The following SYNE2 variants were observed in gnomAD, a reference collection of about 807,000 sequenced individuals.
SYNE2 encodes the protein nesprin-2.
In SYNE2, 431 loss-of-function variants were observed where a neutral mutation model predicts 856.3. The observed-to-expected ratio is 0.50, with a 90% CI of 0.47 to 0.55. SYNE2 has a LOEUF of 0.55. Ranked by LOEUF, SYNE2 falls within the 20% of genes least tolerant of loss-of-function variation. The probability of loss-of-function intolerance (pLI) is 0.00; values close to 1 mark genes in which losing one functional copy is unlikely to be tolerated. For synonymous variants in SYNE2, 2,923 were observed against 2,872.3 expected, an observed-to-expected ratio of 1.02 and a Z score of -0.56; for missense variants, 8,129 against 8,023.2, an observed-to-expected ratio of 1.01 and a Z score of -0.50.
chr14:64,104,024 G>A (rs1237668992), intron 64 of SYNE2, among the ~76,000 whole-genome samples: 2 of 152,116 alleles, frequency 1.3e-5, no homozygotes, highest in East Asian at 1.9e-4. Flanking sequence ...GAAGCTTATC[G>A]TTTATATCCT....
chr14:63,959,373 C>T (rs1161732425), intron 8 of SYNE2, among the ~76,000 whole-genome samples: 1 of 142,902 alleles, frequency 7.0e-6, no homozygotes, highest in Admixed American at 7.2e-5. Flanking sequence ...TCTCAGCTCA[C>T]TGCAACCTTC....
At chr14:64,109,966 T>C (rs1009442537) in intron 65 of SYNE2, among the ~76,000 whole-genome samples, 1 of 152,204 alleles carries the variant, frequency 6.6e-6, no homozygotes, top group Non-Finnish European at 1.5e-5. Context: ...CAAGGATAAA[T>C]ATTTAGTATG....
chr14:64,106,293 C>T (rs2097771186), intron 64 of SYNE2, among the ~76,000 whole-genome samples: 1 of 152,040 alleles, frequency 6.6e-6, no homozygotes, highest in Non-Finnish European at 1.5e-5. Context: ...TTGTTCCTAC[C>T]ATTTGACTGT....
chr14:64,126,860 A>G, intron 73 of SYNE2, 53 bp downstream of exon 73: 4 of 1,546,400 alleles, frequency 2.6e-6, no homozygotes, highest in Non-Finnish European at 3.5e-6. Flanking sequence ...TTACAGCATG[A>G]ACCCCTAATG....
intron 99 of SYNE2, among the ~76,000 whole-genome samples, chr14:64,195,120 C>T (rs2098535294): frequency 6.6e-6 from 1 of 152,096 alleles, no homozygotes; most frequent in African/African-American, 2.4e-5. Flanking sequence ...GTGAGGAACT[C>T]TTTAAAGACT....
chr14:64,080,468 G>A lies in SYNE2; in HGVS notation c.11176G>A (p.Glu3726Lys), dbSNP rs756178232. 4 of 1,614,132 alleles carry A rather than the reference G, an allele frequency of 2.5e-6. No individual in the cohort carries two copies. The highest frequency in any genetic ancestry group is 3.4e-6 in the Non-Finnish European group (4 of 1,180,014). ...AQEIQKKMWDELDLWHSKLNE... is the reference protein window; with the variant it reads ...AQEIQKKMWDKLDLWHSKLNE... ...TTTCCTTCTCCAGAAAATGTGGGAC[G>A]AGTTAGATCTATGGCATTCCAAACT... Residue 3726 changes from glutamate (E) to lysine (K), a missense_variant, in exon 56 of 116, where the codon GAG becomes AAG. Glu to Lys is a moderately conservative substitution (Grantham distance 56, BLOSUM62 1). Transcript: ENST00000555002.
At chr14:63,990,117 T>C (rs2096655734) in intron 19 of SYNE2, among the ~76,000 whole-genome samples, 1 of 152,222 alleles carries the variant, frequency 6.6e-6, no homozygotes. Flanking sequence ...ACAAGATCAT[T>C]TTAATATTTA....
intron 34 of SYNE2, among the ~76,000 whole-genome samples, chr14:64,018,169 T>A (rs1440273494): frequency 6.6e-6 from 1 of 152,216 alleles, no homozygotes; most frequent in Non-Finnish European, 1.5e-5. Flanking sequence ...GAAGAATTCC[T>A]AGCAAAAGCG....
intron 84 of SYNE2, among the ~76,000 whole-genome samples, chr14:64,149,491 A>G (rs565366987): frequency 6.6e-6 from 1 of 152,334 alleles, no homozygotes; most frequent in Admixed American, 6.5e-5. Flanking sequence ...AAGGGCTTCT[A>G]AAAGCCATTG....
chr14:63,801,752 C>T (rs1888139722), intron 1 of SYNE2, among the ~76,000 whole-genome samples: 1 of 151,642 alleles, frequency 6.6e-6, no homozygotes, highest in Admixed American at 6.6e-5. Context: ...TTAGGTTAGC[C>T]TTAATTTATT....
In SYNE2 at chr14:64,106,141, C is replaced by A. The variant is rs1014790322; in HGVS notation, c.12493-1350C>A. On this transcript the variant is annotated intron_variant, in intron 64 of 115. Coordinates refer to ENST00000555002, the MANE Select transcript of SYNE2 (RefSeq NM_182914.3). ...GGAATTGCATTTCCAGACCCCCCCC[C>A]CCAACCAACACACAAGCTGATTTTT... 2.2e-4 allele frequency among the ~76,000 whole-genome samples: 32 copies of A among 148,556 alleles called. No individual in the cohort carries two copies. The East Asian group carries it at 3.0e-3, about 14-fold the overall frequency.
intron 31 of SYNE2, among the ~76,000 whole-genome samples, chr14:64,007,581 G>GA (rs2096806699): frequency 6.6e-6 from 1 of 152,288 alleles, no homozygotes; most frequent in East Asian, 1.9e-4. Flanking sequence ...CTGGAGGTCA[G>GA]AAGTGGTAAA....
chr14:64,076,640 T>C (rs1595356647), intron 54 of SYNE2, among the ~76,000 whole-genome samples: 1 of 151,740 alleles, frequency 6.6e-6, no homozygotes, highest in South Asian at 2.1e-4. Flanking sequence ...TTTATAATAC[T>C]AGAAACATAG....
rs750434635 is a variant in SYNE2, at chr14:64,080,620, A to G, written c.11328A>G (p.Arg3776=). 1.2e-6 allele frequency: 2 copies of G among 1,614,096 alleles called. No individual in the cohort carries two copies. Among genetic ancestry groups the G allele is most frequent in the African/African-American group, 1.3e-5 (1 of 74,948 alleles). The change falls in exon 56 of 116, where the codon AGA becomes AGG. Residue 3776 remains arginine, a synonymous_variant. Transcript: ENST00000555002. ...AAGTATCACAGAGAGCAGAGTGTAG[A>G]ACCTCACAGTTGAATAAGGTATGGC... is the stretch of plus-strand genomic sequence containing the variant. ...YQQVSQRAEC[R]TSQLNKATVK... is the part of the protein sequence containing the mutation.
chr14:64,057,690 C>G lies in SYNE2; in HGVS notation c.10067+1424C>G, dbSNP rs755902514. ...TCTATTTTTAGTTTTTTTGAGGACC[C>G]TCCAAACAGTTCTCCATAGTGGTTG... On this transcript the variant is annotated intron_variant, in intron 49 of 115. Transcript: ENST00000555002. 1.4e-4 allele frequency among the ~76,000 whole-genome samples: 22 copies of G among 152,148 alleles called. No individual in the cohort carries two copies. The South Asian group carries it at 2.7e-3, about 19-fold the overall frequency.
intron 59 of SYNE2, among the ~76,000 whole-genome samples, chr14:64,090,561 T>C (rs2097602490): frequency 6.6e-6 from 1 of 152,156 alleles, no homozygotes. Context: ...CATTGCTCAC[T>C]GCCTAGTGAC....
intron 11 of SYNE2, among the ~76,000 whole-genome samples, chr14:63,969,335 A>ATTTTTTTTTTTTTTTTTTTTTTTTTT (rs150514197): frequency 1.2e-5 from 1 of 81,644 alleles, no homozygotes; most frequent in Non-Finnish European, 2.3e-5. Flanking sequence ...TGCCTGGCTA[A>ATTTTTTTTTTTTTTTTTTTTTTTTTT]TTTTTTTTTT....
At chr14:63,897,381 GTTCA>G (rs2095269969) in intron 1 of SYNE2, among the ~76,000 whole-genome samples, 2 of 152,302 alleles carry the variant, frequency 1.3e-5, no homozygotes, top group South Asian at 2.1e-4. Context: ...GATATTGGCT[GTTCA>G]TTCATTTTAG....
intron 51 of SYNE2, among the ~76,000 whole-genome samples, chr14:64,070,353 T>C (rs1210334843): frequency 1.3e-5 from 2 of 152,252 alleles, no homozygotes; most frequent in Non-Finnish European, 2.9e-5. Context: ...AATGTTGCTT[T>C]ATCCATCTGA....
Sources: gnomAD v4.1 joint callset for allele counts (sites outside exome capture counted in the v4.1 genomes callset) on GRCh38, gnomAD v4.1.1 for gene constraint, MANE v1.5 for transcripts, NCBI Gene and HGNC (gene_info 2026-07-23, HGNC 2026-07-21) for gene names.